Variants in CCDC30 observed in about 807,000 individuals in gnomAD.
CCDC30 encodes coiled-coil domain-containing protein 30.
Under a neutral mutation model 100.2 loss-of-function variants are expected in CCDC30, and 70 were observed. That is an observed-to-expected ratio of 0.70 (90% CI 0.58 to 0.85). The LOEUF (loss-of-function observed/expected upper bound fraction) is 0.85, where lower values mean the gene tolerates loss of function less well. Ranked by LOEUF, CCDC30 falls within the 40% of genes least tolerant of loss-of-function variation. The pLI is 0.00. For synonymous variants in CCDC30, 233 were observed against 269.5 expected (o/e 0.86, Z 1.33); for missense variants, 652 against 771.2 (o/e 0.85, Z 1.83).
chr1:42,544,583 C>T lies in CCDC30; in HGVS notation c.457-21713C>T, dbSNP rs201674737. 1.4e-4 allele frequency among the ~76,000 whole-genome samples: 21 copies of T among 152,252 alleles called. No homozygotes were observed. In the East Asian group the frequency reaches 3.9e-3, roughly 28 times the overall value. ...AGGCTGGAGTGCGGTGGCCTGATCT[C>T]GGCTCATTGCAATCTCCACCTCCCA... On this transcript the variant is annotated intron_variant, in intron 6 of 16. Coordinates refer to ENST00000668663, the Ensembl canonical transcript of CCDC30.
chr1:42,545,181 A>AT (rs1645102146), intron 6 of CCDC30, among the ~76,000 whole-genome samples: 1 of 145,164 alleles, frequency 6.9e-6, no homozygotes, highest in Non-Finnish European at 1.5e-5. Context: ...AAAAAAAAAA[A>AT]AAAAAAAGGG....
intron 14 of CCDC30, among the ~76,000 whole-genome samples, chr1:42,645,349 T>C (rs775238150): frequency 3.6e-4 from 55 of 152,024 alleles, no homozygotes; most frequent in Non-Finnish European, 5.4e-4. Flanking sequence ...AAAGAGAGCA[T>C]CTGAGTGAAA....
In CCDC30 at chr1:42,583,643, T is replaced by C. The variant is rs1646012154; in HGVS notation, c.1001+2129T>C. 1.3e-5 allele frequency among the ~76,000 whole-genome samples: 2 copies of C among 152,204 alleles called. 1 individual carries two copies. The highest frequency in any genetic ancestry group is 4.8e-5 in the African/African-American group (2 of 41,452). ...TTTCTTCTATTTCAGTGACATAATA[T>C]ATATCCTGACACATAATAAGCACTT... On this transcript the variant is annotated intron_variant, in intron 9 of 16. Coordinates refer to ENST00000668663, the Ensembl canonical transcript of CCDC30.
At chr1:42,651,544 C>A (rs930526152) in intron 15 of CCDC30, among the ~76,000 whole-genome samples, 1 of 152,022 alleles carries the variant, frequency 6.6e-6, no homozygotes, top group Non-Finnish European at 1.5e-5. Context: ...CACCTCACAC[C>A]TGTCAAAATG....
chr1:42,646,456 C>A, intron 15 of CCDC30, 139 bp downstream of exon 19: 1 of 1,168,862 alleles, frequency 8.6e-7, no homozygotes, highest in South Asian at 2.9e-5. Flanking sequence ...TCCCCACTTT[C>A]TTGGGTTTCC....
intron 6 of CCDC30, among the ~76,000 whole-genome samples, chr1:42,553,453 T>C (rs1645297366): frequency 6.6e-6 from 1 of 151,762 alleles, no homozygotes. Flanking sequence ...GTGTGTCTAC[T>C]CCATCTTCTT....
At chr1:42,464,625 G>T (rs1278733189) in intron 1 of CCDC30, among the ~76,000 whole-genome samples, 1 of 152,170 alleles carries the variant, frequency 6.6e-6, no homozygotes, top group East Asian at 1.9e-4. Flanking sequence ...CTGGAACAGA[G>T]GGCCTTAAAT....
At chr1:42,563,058 G>T (rs535139408) in intron 6 of CCDC30, among the ~76,000 whole-genome samples, 1 of 152,176 alleles carries the variant, frequency 6.6e-6, no homozygotes, top group African/African-American at 2.4e-5. Context: ...ATTCCTCAAG[G>T]ATCTAGAACC....
At chr1:42,579,396 G>A (rs962366050) in intron 8 of CCDC30, among the ~76,000 whole-genome samples, 33 of 151,922 alleles carry the variant, frequency 2.2e-4, no homozygotes, top group Non-Finnish European at 4.1e-4. Flanking sequence ...CACTTTGGGA[G>A]GCCAAGGTGG....
chr1:42,550,665 A>G (rs1645232890), intron 6 of CCDC30, among the ~76,000 whole-genome samples: 1 of 152,182 alleles, frequency 6.6e-6, no homozygotes, highest in African/African-American at 2.4e-5. Flanking sequence ...CCTACTTTCC[A>G]AATACTTTAC....
chr1:42,599,164 ATG>A (rs1257649623), intron 10 of CCDC30, among the ~76,000 whole-genome samples: 1 of 152,216 alleles, frequency 6.6e-6, no homozygotes, highest in East Asian at 1.9e-4. Context: ...GTATTTGATT[ATG>A]TGTGTCATAT....
exon 15 of CCDC30, chr1:42,646,236 C>T (rs959514028): frequency 6.4e-7 from 1 of 1,557,120 alleles, no homozygotes; most frequent in African/African-American, 1.4e-5. Flanking sequence ...CTGAGGTCTT[C>T]ACCAGCAACA....
At chr1:42,539,364 G>T in intron 6 of CCDC30, 54 bp downstream of exon 8, 1 of 1,470,008 alleles carries the variant, frequency 6.8e-7, no homozygotes, top group Non-Finnish European at 9.2e-7. Context: ...CTTTTATGAG[G>T]ATAGGTTAAA....
At chr1:42,632,119 G>T (rs752464978) in intron 11 of CCDC30, among the ~76,000 whole-genome samples, 1 of 152,140 alleles carries the variant, frequency 6.6e-6, no homozygotes, top group Non-Finnish European at 1.5e-5. Context: ...TCTCACCCAA[G>T]GCCCTTAATA....
chr1:42,624,052 A>C (rs939452443), intron 11 of CCDC30, among the ~76,000 whole-genome samples: 2 of 152,168 alleles, frequency 1.3e-5, no homozygotes, highest in Admixed American at 6.5e-5. Context: ...GGCATATAAA[A>C]ATGCTACTGA....
At chr1:42,652,257 C>A (rs1466656994) in intron 15 of CCDC30, among the ~76,000 whole-genome samples, 1 of 152,046 alleles carries the variant, frequency 6.6e-6, no homozygotes, top group Non-Finnish European at 1.5e-5. Flanking sequence ...AATGTGGAAT[C>A]TAAAACAATT....
chr1:42,573,108 GT>G (rs1252967476), intron 7 of CCDC30, among the ~76,000 whole-genome samples: 1 of 152,070 alleles, frequency 6.6e-6, no homozygotes, highest in Non-Finnish European at 1.5e-5. Flanking sequence ...TCCTATATAA[GT>G]TTTATAATCA....
chr1:42,633,771 G>C (rs72967289), intron 11 of CCDC30, among the ~76,000 whole-genome samples: 2,411 of 152,208 alleles, frequency 0.016, 51 homozygotes, highest in African/African-American at 0.052. Flanking sequence ...AAAGTTAACT[G>C]AGCATAGTTG....
In CCDC30 at chr1:42,610,971, T is replaced by C; in HGVS notation, c.1165-7T>C. ...CAGAGTTCTCATTATTTTTCAATGT[T>C]TTTCAGCATGTCAAAAGCAACCAGG... On this transcript the variant is annotated splice_region_variant and splice_polypyrimidine_tract_variant and intron_variant, in intron 10 of 16. Coordinates refer to ENST00000668663, the Ensembl canonical transcript of CCDC30. 1 of 1,511,566 alleles carries C rather than the reference T, an allele frequency of 6.6e-7. No individual in the cohort carries two copies. Among genetic ancestry groups the C allele is most frequent in the Non-Finnish European group, 9.2e-7 (1 of 1,088,034 alleles). The allele number at this position is 1,511,566 out of a possible 1,614,324, so 93.6% of individuals were successfully genotyped here. A position where few individuals can be genotyped will look rare whatever the true frequency, so the allele number is the denominator to read the frequency against.
Sources: allele counts gnomAD v4.1 joint callset (sites outside exome capture counted in the v4.1 genomes callset), GRCh38; gene constraint gnomAD v4.1.1; transcripts MANE v1.5; gene names NCBI Gene and HGNC (gene_info 2026-07-23, HGNC 2026-07-21).